The following OPCML variants were observed in gnomAD, a reference collection of about 807,000 sequenced individuals.
OPCML encodes the protein opioid-binding protein/cell adhesion molecule.
A neutral mutation model predicts 37.8 loss-of-function variants in OPCML; 13 were observed. The observed-to-expected ratio is 0.34, with a 90% CI of 0.22 to 0.55. The LOEUF (loss-of-function observed/expected upper bound fraction) is 0.55, where lower values mean the gene tolerates loss of function less well. OPCML is among the 20% of genes least tolerant of loss of function. The pLI is 0.91. For synonymous variants in OPCML, 176 were observed against 168.8 expected, an observed-to-expected ratio of 1.04 and a Z score of -0.33; for missense variants, 341 against 435.6, an observed-to-expected ratio of 0.78 and a Z score of 1.93.
At chr11:133,056,191 T>C (rs1948235692) in intron 1 of OPCML, among the ~76,000 whole-genome samples, 1 of 152,268 alleles carries the variant, frequency 6.6e-6, no homozygotes, top group Admixed American at 6.5e-5. Context: ...ATTGTTATTC[T>C]ATATGTGATA....
chr11:132,469,732 ATGTGTGTG>A, intron 4 of OPCML, among the ~76,000 whole-genome samples: 1 of 85,230 alleles, frequency 1.2e-5, no homozygotes. Flanking sequence ...GTGTGTGTGT[ATGTGTGTG>A]TATGTGTGGA....
chr11:133,075,543 C>T (rs554914261), intron 1 of OPCML, among the ~76,000 whole-genome samples: 6 of 152,296 alleles, frequency 3.9e-5, no homozygotes, highest in East Asian at 1.9e-4. Context: ...GCTCTGAAGC[C>T]GGACACTGCC....
chr11:133,189,037 A>G (rs1938202279), intron 1 of OPCML, among the ~76,000 whole-genome samples: 1 of 152,044 alleles, frequency 6.6e-6, no homozygotes, highest in Non-Finnish European at 1.5e-5. Flanking sequence ...CCACTCCTCA[A>G]ATAAATGGGC....
chr11:132,802,625 A>AC (rs1938728666), intron 2 of OPCML, among the ~76,000 whole-genome samples: 1 of 151,922 alleles, frequency 6.6e-6, no homozygotes. Context: ...ATGCAAAAAA[A>AC]ATTAGAAAAT....
intron 1 of OPCML, among the ~76,000 whole-genome samples, chr11:133,431,945 G>C (rs1256986597): frequency 6.6e-6 from 1 of 151,688 alleles, no homozygotes; most frequent in Non-Finnish European, 1.5e-5. Flanking sequence ...AAATACGTAC[G>C]GTTCTCTCTG....
At chr11:133,517,520 G>A (rs1859716938) in intron 1 of OPCML, among the ~76,000 whole-genome samples, 1 of 152,174 alleles carries the variant, frequency 6.6e-6, no homozygotes, top group Admixed American at 6.5e-5. Flanking sequence ...GGGAGTGGGG[G>A]CAACTCCCCC....
At chr11:132,920,283 T>C (rs1325060102) in intron 2 of OPCML, among the ~76,000 whole-genome samples, 1 of 152,174 alleles carries the variant, frequency 6.6e-6, no homozygotes, top group Admixed American at 6.6e-5. Flanking sequence ...GCAGTGACAC[T>C]TCACAGGACA....
At chr11:133,480,078 T>G (rs1174862053) in intron 1 of OPCML, among the ~76,000 whole-genome samples, 1 of 152,180 alleles carries the variant, frequency 6.6e-6, no homozygotes, top group Non-Finnish European at 1.5e-5. Context: ...AGACACACAG[T>G]GCTCTGGGCT....
intron 1 of OPCML, among the ~76,000 whole-genome samples, chr11:133,515,811 G>C (rs1259034351): frequency 6.6e-6 from 1 of 151,434 alleles, no homozygotes; most frequent in Non-Finnish European, 1.5e-5. Context: ...GGGTCTCCAA[G>C]GGCTGGGGCT....
intron 1 of OPCML, among the ~76,000 whole-genome samples, chr11:133,146,312 C>CTTTT (rs869237328): frequency 1.6e-5 from 2 of 128,718 alleles, no homozygotes; most frequent in Non-Finnish European, 3.3e-5. Flanking sequence ...TCCATCTTTT[C>CTTTT]TTTTTTTTTT....
At chr11:132,425,062 T>A (rs947054002) in intron 7 of OPCML, among the ~76,000 whole-genome samples, 1 of 152,118 alleles carries the variant, frequency 6.6e-6, no homozygotes, top group African/African-American at 2.4e-5. Flanking sequence ...AATGTGTCCA[T>A]CCTGCAATGG....
At chr11:133,354,336 GTGGT>G (rs1944233098) in intron 1 of OPCML, among the ~76,000 whole-genome samples, 1 of 108,000 alleles carries the variant, frequency 9.3e-6, no homozygotes, top group Non-Finnish European at 2.0e-5. Flanking sequence ...GGTGATGATG[GTGGT>G]GGTAGTGATG....
chr11:132,798,218 G>A (rs563915905), intron 2 of OPCML, among the ~76,000 whole-genome samples: 1 of 152,124 alleles, frequency 6.6e-6, no homozygotes, highest in African/African-American at 2.4e-5. Flanking sequence ...CTACAGGCAT[G>A]CACCACCATA....
At chr11:133,251,863 G>A (rs1342534979) in intron 1 of OPCML, among the ~76,000 whole-genome samples, 2 of 152,150 alleles carry the variant, frequency 1.3e-5, no homozygotes, top group African/African-American at 2.4e-5. Context: ...GAGAGCAAAG[G>A]CTAATGCTAT....
At chr11:133,286,426 C>T (rs1275873256) in intron 1 of OPCML, among the ~76,000 whole-genome samples, 3 of 136,300 alleles carry the variant, frequency 2.2e-5, no homozygotes, top group Non-Finnish European at 4.6e-5. Context: ...GCCGAGATCG[C>T]GCCACTGCAC....
chr11:132,474,603 T>C (rs548518973), intron 4 of OPCML, among the ~76,000 whole-genome samples: 1 of 152,214 alleles, frequency 6.6e-6, no homozygotes, highest in African/African-American at 2.4e-5. Context: ...GAACCAGAAA[T>C]TTTTCTGCAG....
intron 3 of OPCML, among the ~76,000 whole-genome samples, chr11:132,631,496 G>C (rs1271229515): frequency 6.6e-6 from 1 of 150,620 alleles, no homozygotes; most frequent in East Asian, 2.0e-4. Context: ...GTCTGGCTCT[G>C]TCCCCCAGGC....
chr11:132,962,397 G>C (rs914722130), intron 1 of OPCML, among the ~76,000 whole-genome samples: 10 of 152,194 alleles, frequency 6.6e-5, no homozygotes, highest in Admixed American at 6.5e-4. Flanking sequence ...ACATTCGTTT[G>C]CAATTAGCAA....
chr11:133,403,329 A>T (rs1320788640), intron 1 of OPCML, among the ~76,000 whole-genome samples: 1 of 152,178 alleles, frequency 6.6e-6, no homozygotes, highest in Non-Finnish European at 1.5e-5. Context: ...CTTATTTACC[A>T]TTGCATCCCC....
Sources: gnomAD v4.1 joint callset for allele counts (sites outside exome capture counted in the v4.1 genomes callset) on GRCh38, gnomAD v4.1.1 for gene constraint, MANE v1.5 for transcripts, NCBI Gene and HGNC (gene_info 2026-07-23, HGNC 2026-07-21) for gene names.